Variants in GTF2I observed in about 807,000 individuals in gnomAD.
GTF2I encodes general transcription factor IIi, also known as general transcription factor II-I.
In GTF2I, 12 loss-of-function variants were observed where a neutral mutation model predicts 67.6. The ratio of observed to expected loss-of-function variants is 0.18; its 90% CI spans 0.11 to 0.29. GTF2I has a LOEUF of 0.29. GTF2I is among the 10% of genes least tolerant of loss of function. GTF2I has a pLI of 1.00. For synonymous variants in GTF2I, 149 were observed against 197.0 expected (o/e 0.76, Z 2.04); for missense variants, 271 against 580.1 (o/e 0.47, Z 5.47).
At chr7:74,695,128 T>C (rs150993207) in intron 3 of GTF2I, among the ~76,000 whole-genome samples, 59 of 152,354 alleles carry the variant, frequency 3.9e-4, no homozygotes, top group Middle Eastern at 3.4e-3. Flanking sequence ...TTTATTTTTA[T>C]TTTTTATTTA....
chr7:74,660,298 T>G (rs1804359142), intron 1 of GTF2I, among the ~76,000 whole-genome samples: 1 of 151,666 alleles, frequency 6.6e-6, no homozygotes, highest in South Asian at 2.1e-4. Flanking sequence ...CAAGCGATTT[T>G]CCTGCCTCAG....
At chr7:74,713,476 T>C (rs1339645532) in intron 9 of GTF2I, among the ~76,000 whole-genome samples, 1 of 152,188 alleles carries the variant, frequency 6.6e-6, no homozygotes, top group Non-Finnish European at 1.5e-5. Context: ...GTAAGCTAAC[T>C]ATAGAAAACT....
At chr7:74,661,823 T>G (rs1554386720) in intron 1 of GTF2I, among the ~76,000 whole-genome samples, 2 of 152,188 alleles carry the variant, frequency 1.3e-5, no homozygotes, top group African/African-American at 4.8e-5. Flanking sequence ...GTCTCCAGTT[T>G]AAAAAGGGGC....
At chr7:74,716,678 T>C in intron 10 of GTF2I, 1 of 480,310 alleles carries the variant, frequency 2.1e-6, no homozygotes, top group Non-Finnish European at 3.7e-6. Context: ...CTACTCTGTA[T>C]TTGTGTTTTC....
At chr7:74,681,645 C>T (rs1787282711) in intron 1 of GTF2I, among the ~76,000 whole-genome samples, 1 of 152,196 alleles carries the variant, frequency 6.6e-6, no homozygotes, top group Admixed American at 6.5e-5. Flanking sequence ...GGCATAGTGG[C>T]TTACGCCTGT....
chr7:74,719,925 AAAAATT>A (rs879992388), intron 12 of GTF2I, among the ~76,000 whole-genome samples: 63 of 152,206 alleles, frequency 4.1e-4, no homozygotes, highest in Admixed American at 9.2e-4. Flanking sequence ...ATCTCAAAAA[AAAAATT>A]AAAATTAAAA....
intron 1 of GTF2I, among the ~76,000 whole-genome samples, chr7:74,671,146 G>T (rs890422392): frequency 2.1e-5 from 3 of 144,660 alleles, no homozygotes; most frequent in Non-Finnish European, 4.5e-5. Context: ...GAGTGCAGTG[G>T]CGTGATCTCA....
At chr7:74,670,489 G>T (rs1046197152) in intron 1 of GTF2I, among the ~76,000 whole-genome samples, 2 of 152,016 alleles carry the variant, frequency 1.3e-5, no homozygotes, top group Non-Finnish European at 2.9e-5. Flanking sequence ...CTGAGGTCAG[G>T]AGTTTGAGAC....
rs1792713406 is a variant in GTF2I, at chr7:74,719,860, T to C, written c.943+919T>C. ...GCTTGAACCCTGGAGGCAGAGGTTG[T>C]AGTGTGCTGAGTTCACGCCATTGCA... On this transcript the variant is annotated intron_variant, in intron 12 of 34. Coordinates refer to ENST00000573035, the MANE Select transcript of GTF2I (RefSeq NM_032999.4). Among the ~76,000 whole-genome samples the C allele has an allele frequency of 3.3e-5, 5 of 152,048 alleles. No individual in the cohort carries two copies. The South Asian group carries it at 1.0e-3, about 32-fold the overall frequency.
intron 11 of GTF2I, among the ~76,000 whole-genome samples, chr7:74,718,431 C>T (rs1359784259): frequency 3.3e-5 from 5 of 152,196 alleles, no homozygotes; most frequent in Non-Finnish European, 5.9e-5. Flanking sequence ...CACTCAGTCT[C>T]TTGATAGGAA....
At chr7:74,700,145 A>G in intron 4 of GTF2I, 102 bp from the exon 5 acceptor site, 1 of 1,180,386 alleles carries the variant, frequency 8.5e-7, no homozygotes, top group East Asian at 2.5e-5. Flanking sequence ...CATATATTAT[A>G]AAAAATCATG....
At chr7:74,666,550 T>G (rs1340265490) in intron 1 of GTF2I, among the ~76,000 whole-genome samples, 1 of 151,964 alleles carries the variant, frequency 6.6e-6, no homozygotes, top group Non-Finnish European at 1.5e-5. Flanking sequence ...TAAAAAAAAT[T>G]TTTTTTGGCT....
At chr7:74,753,220 G>C (rs1795931739) in intron 29 of GTF2I, 43 bp downstream of exon 29, 1 of 1,597,246 alleles carries the variant, frequency 6.3e-7, no homozygotes, top group Non-Finnish European at 8.6e-7. Context: ...TAAGCAAAGA[G>C]ATTTGTTTTA....
At chr7:74,715,396 C>G (rs587702765) in intron 10 of GTF2I, among the ~76,000 whole-genome samples, 73 of 152,162 alleles carry the variant, frequency 4.8e-4, no homozygotes, top group Non-Finnish European at 9.3e-4. Context: ...TTACTTCTAT[C>G]TATTCTGGCT....
chr7:74,658,223 G>A (rs1245164727), intron 1 of GTF2I, among the ~76,000 whole-genome samples, 155 bp downstream of exon 1: 1 of 149,298 alleles, frequency 6.7e-6, no homozygotes, highest in Non-Finnish European at 1.5e-5. Context: ...GCCTTGGGGG[G>A]CGCCCGTGCC....
intron 11 of GTF2I, among the ~76,000 whole-genome samples, chr7:74,718,081 G>A (rs1400722085): frequency 6.6e-6 from 1 of 152,166 alleles, no homozygotes; most frequent in East Asian, 1.9e-4. Flanking sequence ...GGGCAGTACC[G>A]ATGGCTCACC....
chr7:74,732,119 G>GTATATATACATATACACATATACATATA (rs1794540723), intron 14 of GTF2I, among the ~76,000 whole-genome samples: 1 of 144,990 alleles, frequency 6.9e-6, no homozygotes, highest in Non-Finnish European at 1.5e-5. Context: ...ACATATATAT[G>GTATATATACATATACACATATACATATA]TATATATACA....
Position 74,699,024 on chromosome 7 carries a change from G to A in GTF2I, c.302G>A (p.Arg101Gln), listed in dbSNP as rs782120808. 63 of 1,544,722 alleles carry A rather than the reference G, an allele frequency of 4.1e-5. No homozygotes were observed. Among genetic ancestry groups the A allele is most frequent in the South Asian group, 9.0e-5 (7 of 78,090 alleles). Residue 101 changes from arginine to glutamine, a missense_variant, in exon 4 of 35, where the codon CGG (arginine) becomes CAG (glutamine). Arg to Gln is a conservative substitution (Grantham distance 43). Around this residue, in one of 9 missense-constraint regions of GTF2I, gnomAD observed 72 missense variants for 87.4 expected, o/e 0.82. Transcript: ENST00000573035. ...HKMKSTTQAN[R>Q]MSVDAVEIET... is the part of the protein sequence containing the mutation. ...ATGAAATCTACAACCCAGGCAAATC[G>A]GATGAGTGTAGATGCTGTAGAAATT... is the stretch of plus-strand genomic sequence containing the variant.
At chr7:74,681,595 T>TA (rs1787278440) in intron 1 of GTF2I, among the ~76,000 whole-genome samples, 1 of 152,102 alleles carries the variant, frequency 6.6e-6, no homozygotes, top group South Asian at 2.1e-4. Context: ...TCATGACACA[T>TA]ATGCCCAGAT....
Sources: allele counts gnomAD v4.1 joint callset (sites outside exome capture counted in the v4.1 genomes callset), GRCh38; gene constraint gnomAD v4.1.1; regional missense constraint gnomAD v4.1.1; transcripts MANE v1.5; gene names NCBI Gene and HGNC (gene_info 2026-07-23, HGNC 2026-07-21).